Variants in USP30 observed in about 807,000 individuals in gnomAD.
The protein encoded by USP30 is ubiquitin carboxyl-terminal hydrolase 30.
USP30 carries 41 observed loss-of-function variants against 68.2 expected under a neutral mutation model. The observed-to-expected ratio is 0.60, with a 90% confidence interval of 0.47 to 0.78. The LOEUF (loss-of-function observed/expected upper bound fraction) is 0.78, where lower values mean the gene tolerates loss of function less well. USP30 is among the 30% of genes least tolerant of loss of function. The probability of loss-of-function intolerance (pLI) is 0.00; values close to 1 mark genes in which losing one functional copy is unlikely to be tolerated. For synonymous variants in USP30, 229 were observed against 253.7 expected, an observed-to-expected ratio of 0.90 and a Z score of 0.93; for missense variants, 522 against 649.4, an observed-to-expected ratio of 0.80 and a Z score of 2.13.
chr12:109,052,625 C>T lies in USP30; in HGVS notation c.-54C>T. The T allele has an allele frequency of 1.4e-6, 2 of 1,437,724 alleles. No individual in the cohort carries two copies. The highest frequency in any genetic ancestry group is 1.8e-6 in the Non-Finnish European group (2 of 1,099,856). The allele number at this position is 1,437,724 out of a possible 1,614,324, so 89.1% of individuals were successfully genotyped here. On this transcript the variant is annotated 5_prime_UTR_variant, in exon 1 of 13. Transcript: ENST00000257548. ...GGAACCGTCGTATCCCTCGGTCCGG[C>T]GGCGGCGGCGGCGGTAGCGGAGGAG...
upstream of USP30, among the ~76,000 whole-genome samples, chr12:109,050,522 G>A (rs1442440785): frequency 6.6e-6 from 1 of 152,036 alleles, no homozygotes; most frequent in Non-Finnish European, 1.5e-5. Context: ...ACAGGTATGC[G>A]ACACCACCCC....
chr12:109,055,400 A>ATATATTTTTTT (rs1298811530), intron 1 of USP30, among the ~76,000 whole-genome samples: 3 of 24,466 alleles, frequency 1.2e-4, no homozygotes, highest in African/African-American at 3.3e-4. Context: ...ATATATATAT[A>ATATATTTTTTT]TTTTTTTTTT....
chr12:109,053,458 G>C (rs1200498155), intron 1 of USP30, among the ~76,000 whole-genome samples: 1 of 152,052 alleles, frequency 6.6e-6, no homozygotes, highest in South Asian at 2.1e-4. Flanking sequence ...AATCCTGTCA[G>C]GGCCCCCATT....
chr12:109,084,019 C>G (rs1308753543), intron 11 of USP30, among the ~76,000 whole-genome samples: 4 of 152,162 alleles, frequency 2.6e-5, no homozygotes, highest in Non-Finnish European at 4.4e-5. Flanking sequence ...ATCTCCTGGG[C>G]TGGGGTGCAG....
intron 11 of USP30, 51 bp downstream of exon 11, chr12:109,083,113 A>G: frequency 1.3e-6 from 2 of 1,536,428 alleles, no homozygotes; most frequent in East Asian, 2.3e-5. Flanking sequence ...CACAGAGAAA[A>G]GCAGTTTGGC....
intron 3 of USP30, among the ~76,000 whole-genome samples, chr12:109,028,883 A>G (rs2040462950): frequency 6.6e-6 from 1 of 152,200 alleles, no homozygotes; most frequent in African/African-American, 2.4e-5. Context: ...AACACCTCCC[A>G]CTAGGCTCCA....
intron 8 of USP30, 163 bp downstream of exon 8, chr12:109,081,556 G>C: frequency 1.3e-6 from 1 of 785,302 alleles, no homozygotes; most frequent in Admixed American, 2.8e-5. Flanking sequence ...ATGGGAGAGA[G>C]GAAAATGAAT....
At chr12:109,058,691 T>G (rs1346647919) in intron 3 of USP30, among the ~76,000 whole-genome samples, 2 of 152,112 alleles carry the variant, frequency 1.3e-5, no homozygotes, top group Non-Finnish European at 2.9e-5. Context: ...GTAAGAAGTA[T>G]TCTGGTTTCA....
chr12:109,072,472 C>A, intron 6 of USP30, 122 bp downstream of exon 6: 1 of 885,418 alleles, frequency 1.1e-6, no homozygotes, highest in Non-Finnish European at 1.8e-6. Context: ...GTGTGATGTG[C>A]TTGCAAAGGA....
intron 3 of USP30, among the ~76,000 whole-genome samples, chr12:109,046,415 GTCTT>G (rs2040605762): frequency 9.0e-6 from 1 of 110,710 alleles, no homozygotes; most frequent in African/African-American, 2.6e-5. Context: ...ACCCAGCCCA[GTCTT>G]TTTTTTTTTT....
In USP30 at chr12:109,082,926, G is replaced by T. The variant is rs1350675711; in HGVS notation, c.1032G>T (p.Gln344His). Reference protein sequence around the residue: ...GTPLKRHEHVQFNEFLMMDIY... With the variant: ...GTPLKRHEHVHFNEFLMMDIY... ...CTCTGAAGCGGCATGAGCACGTGCA[G>T]TTCAATGAGTTCCTGATGATGGACA... Residue 344 changes from glutamine (Q) to histidine (H), a missense_variant, in exon 11 of 13, where the codon CAG (glutamine) becomes CAT (histidine). Gln to His is a conservative substitution (Grantham distance 24). Transcript: ENST00000257548. The T allele has an allele frequency of 6.8e-6, 11 of 1,614,260 alleles. 1 individual carries two copies. Among genetic ancestry groups the T allele is most frequent in the Non-Finnish European group, 8.5e-6 (10 of 1,180,046 alleles).
intron 3 of USP30, among the ~76,000 whole-genome samples, chr12:109,035,745 A>T (rs2040513923): frequency 6.6e-6 from 1 of 152,166 alleles, no homozygotes; most frequent in African/African-American, 2.4e-5. Context: ...TATGTATCTC[A>T]CTTCCCCTTA....
chr12:109,035,267 T>C (rs1309430288), intron 3 of USP30, among the ~76,000 whole-genome samples: 2 of 152,160 alleles, frequency 1.3e-5, no homozygotes, highest in Non-Finnish European at 2.9e-5. Flanking sequence ...ATTTCTTTTG[T>C]CTTTTCTTTC....
chr12:109,069,890 C>T (rs1274405199), intron 4 of USP30, among the ~76,000 whole-genome samples: 2 of 152,090 alleles, frequency 1.3e-5, no homozygotes, highest in African/African-American at 2.4e-5. Context: ...GGGTACAGAG[C>T]ATTCCAGACA....
At chr12:109,041,879 A>G (rs2040567681) in intron 3 of USP30, among the ~76,000 whole-genome samples, 1 of 152,162 alleles carries the variant, frequency 6.6e-6, no homozygotes, top group South Asian at 2.1e-4. Flanking sequence ...CCAGAAAAAA[A>G]TAGTTTGAAT....
rs2041958058 is a variant in USP30, at chr12:109,086,829, C to A, written c.*898C>A. 1 of 152,114 alleles carries A rather than the reference C, an allele frequency of 6.6e-6. No homozygotes were observed. The highest frequency in any genetic ancestry group is 2.1e-4 in the South Asian group (1 of 4,830). The allele number at this position is 152,114 out of a possible 1,614,324, so 9.4% of individuals were successfully genotyped here. ...AAGGTTTACAGGTGGGAGCTTGGGG[C>A]TGTATAAAAAAATAATCCCTGCCCT... On this transcript the variant is annotated 3_prime_UTR_variant, in exon 13 of 13. Coordinates refer to ENST00000257548, the MANE Select transcript of USP30 (RefSeq NM_032663.5).
In USP30 at chr12:109,085,002, C is replaced by CT; in HGVS notation, c.1219dup (p.Cys407LeufsTer64). On this transcript the variant is annotated frameshift_variant, in exon 12 of 13. Transcript: ENST00000257548. LOFTEE classifies it high-confidence loss of function. Reference sequence around the variant, plus strand: ...AAACACAGATTTTTATGAATGGCGCCTGCTCCCCATCTTTATTGCCAACGC... The same window carrying CT: ...AAACACAGATTTTTATGAATGGCGCCTTGCTCCCCATCTTTATTGCCAACGC... 1 of 1,606,752 alleles carries CT rather than the reference C, an allele frequency of 6.2e-7. No homozygotes were observed.
At chr12:109,067,408 C>T in intron 3 of USP30, 116 bp from the exon 4 acceptor site, 5 of 880,186 alleles carry the variant, frequency 5.7e-6, no homozygotes, top group East Asian at 2.7e-5. Flanking sequence ...TGAGCCACCA[C>T]ACCCAGCCTG....
chr12:109,039,023 T>A (rs935864946), intron 3 of USP30, among the ~76,000 whole-genome samples: 1 of 152,240 alleles, frequency 6.6e-6, no homozygotes, highest in Admixed American at 6.5e-5. Context: ...GTTAGATATA[T>A]GTATTATAAA....
Sources: allele counts gnomAD v4.1 joint callset (sites outside exome capture counted in the v4.1 genomes callset), GRCh38; gene constraint gnomAD v4.1.1; transcripts MANE v1.5; gene names NCBI Gene and HGNC (gene_info 2026-07-23, HGNC 2026-07-21).